Variants in COQ5 observed in about 807,000 individuals in gnomAD.
The protein encoded by COQ5 is 2-methoxy-6-polyprenyl-1,4-benzoquinol methylase, mitochondrial.
Under a neutral mutation model 40.5 loss-of-function variants are expected in COQ5, and 27 were observed. The observed-to-expected ratio is 0.67, with a 90% CI of 0.49 to 0.92. The LOEUF is 0.92. Ranked by LOEUF, COQ5 falls within the 40% of genes least tolerant of loss-of-function variation. COQ5 has a pLI of 0.00. For missense variants in COQ5, 409 were observed against 406.4 expected (o/e 1.01, Z -0.06); for synonymous variants, 141 against 150.0 (o/e 0.94, Z 0.44).
rs915706061 is a variant in COQ5 at position 120,516,775 on chromosome 12, G to A, written c.366C>T (p.Phe122=). 10 of 1,613,992 alleles carry A rather than the reference G, an allele frequency of 6.2e-6. 1 individual carries two copies. Among genetic ancestry groups the A allele is most frequent in the Middle Eastern group, 3.3e-4 (2 of 6,084 alleles). ...DVAGGTGDIA[F]RFLNYVQSQH... ...GGGACTGAACATAATTAAGGAACCG[G>A]AATGCAATGTCACCTGTGGGAAGCC... The change falls in exon 3 of 7, where the codon TTC becomes TTT. Residue 122 remains phenylalanine, a synonymous_variant. Transcript: ENST00000288532.
chr12:120,528,605 G>A (rs1479014416), intron 1 of COQ5, among the ~76,000 whole-genome samples: 2 of 152,080 alleles, frequency 1.3e-5, no homozygotes, highest in African/African-American at 4.8e-5. Context: ...GAGGTCAGGA[G>A]TTCGAGACCA....
chr12:120,516,850 G>A, intron 2 of COQ5, 62 bp from the exon 3 acceptor site: 1 of 1,462,008 alleles, frequency 6.8e-7, no homozygotes. Flanking sequence ...GGAAGAAACA[G>A]CATTTCCTAA....
Position 120,511,124 on chromosome 12 carries a change from G to C in COQ5, c.575-1001C>G, listed in dbSNP as rs570368057. Among the ~76,000 whole-genome samples, 6 of 152,090 alleles carry C rather than the reference G, an allele frequency of 3.9e-5. No homozygotes were observed. The South Asian group carries it at 1.2e-3, about 32-fold the overall frequency. On this transcript the variant is annotated intron_variant, in intron 3 of 6. Transcript: ENST00000288532. ...TACAAAAAATTAGCCGGGCGTGGTG[G>C]CATGCACCTGTAGTCCCAGCTACTG... is the stretch of plus-strand genomic sequence containing the variant.
At chr12:120,515,169 G>A (rs1869326518) in intron 3 of COQ5, among the ~76,000 whole-genome samples, 1 of 151,944 alleles carries the variant, frequency 6.6e-6, no homozygotes, top group South Asian at 2.1e-4. Context: ...ATGGCTCACT[G>A]CAGTCTCGAC....
At chr12:120,512,328 C>T (rs544253436) in intron 3 of COQ5, among the ~76,000 whole-genome samples, 11 of 150,442 alleles carry the variant, frequency 7.3e-5, no homozygotes, top group African/African-American at 1.5e-4. Context: ...GTAGGACGGG[C>T]GCGGTGGCTC....
At position 120,529,075 on chromosome 12, in the gene COQ5, C is replaced by T; in HGVS notation, c.67G>A (p.Gly23Ser). 6.2e-7 allele frequency: 1 copy of T among 1,614,096 alleles called. No individual in the cohort carries two copies. Reference protein sequence around the residue: ...CGRGWSRAMRGCQLLGLRSSW... With the variant: ...CGRGWSRAMRSCQLLGLRSSW... ...CTACGAAGCCCGAGGAGCTGGCAGC[C>T]CCGCATCGCCCGCGACCACCCACGG... is the stretch of plus-strand genomic sequence containing the variant. Residue 23 changes from glycine to serine, a missense_variant, in exon 1 of 7, where the codon GGC (glycine) becomes AGC (serine). Coordinates refer to ENST00000288532, the MANE Select transcript of COQ5 (RefSeq NM_032314.4).
At chr12:120,528,026 A>AAAAC (rs1870042605) in intron 1 of COQ5, among the ~76,000 whole-genome samples, 7 of 109,598 alleles carry the variant, frequency 6.4e-5, no homozygotes, top group South Asian at 3.0e-4. Flanking sequence ...AAAAAAAGAA[A>AAAAC]CCCCGTCTCT....
rs777312989 is a variant in COQ5 at position 120,503,770 on chromosome 12, T to C, written c.*14A>G. 4 of 1,596,308 alleles carry C rather than the reference T, an allele frequency of 2.5e-6. No homozygotes were observed. The highest frequency in any genetic ancestry group is 3.4e-6 in the Non-Finnish European group (4 of 1,163,776). ...CAGGATATGACTGGTTCATGCTCCA[T>C]GATAGGAAAGGAATTAAAGTTTGAA... On this transcript the variant is annotated 3_prime_UTR_variant, in exon 7 of 7. Transcript: ENST00000288532.
intron 1 of COQ5, chr12:120,523,304 T>C: frequency 4.0e-6 from 1 of 251,394 alleles, no homozygotes. Flanking sequence ...GCCACTGCAC[T>C]CCCGCCTGGG....
intron 3 of COQ5, among the ~76,000 whole-genome samples, chr12:120,515,623 A>C (rs1245589798): frequency 2.0e-5 from 3 of 152,324 alleles, no homozygotes; most frequent in African/African-American, 7.2e-5. Flanking sequence ...GGGGAAACAC[A>C]GAGTAGACAA....
At chr12:120,527,004 T>G (rs1869985028) in intron 1 of COQ5, 1 of 149,550 alleles carries the variant, frequency 6.7e-6, no homozygotes. Flanking sequence ...CGTGAGCCAC[T>G]GCGCCCAGCC....
At chr12:120,513,874 C>G (rs1246662218) in intron 3 of COQ5, among the ~76,000 whole-genome samples, 1 of 152,014 alleles carries the variant, frequency 6.6e-6, no homozygotes, top group Non-Finnish European at 1.5e-5. Flanking sequence ...TACTTAGTTT[C>G]TACTTTTCAT....
rs755564043 is a variant in COQ5, at chr12:120,522,311, C to T, written c.255G>A (p.Met85Ile). The T allele has an allele frequency of 2.5e-6, 4 of 1,613,692 alleles. No individual in the cohort carries two copies. Among genetic ancestry groups the T allele is most frequent in the Non-Finnish European group, 3.4e-6 (4 of 1,179,724 alleles). Reference sequence around the variant, plus strand: ...AAACACGATGGATACCAAGACTCATCATATCATTCATCACATCATACTTCT... The same window carrying T: ...AAACACGATGGATACCAAGACTCATTATATCATTCATCACATCATACTTCT... ...VAKKYDVMND[M>I]MSLGIHRVWK... The change falls in exon 2 of 7, where the codon ATG becomes ATA. Residue 85 changes from methionine (M) to isoleucine (I), a missense_variant. By Grantham distance (10) the Met-to-Ile change is conservative. Coordinates refer to ENST00000288532, the MANE Select transcript of COQ5 (RefSeq NM_032314.4).
chr12:120,508,961 G>A (rs1869008510), intron 4 of COQ5, among the ~76,000 whole-genome samples: 1 of 151,750 alleles, frequency 6.6e-6, no homozygotes, highest in African/African-American at 2.4e-5. Context: ...GGAGACAGAG[G>A]TTGTAGTGAG....
chr12:120,515,511 G>A (rs911835328), intron 3 of COQ5, among the ~76,000 whole-genome samples: 1 of 151,040 alleles, frequency 6.6e-6, no homozygotes, highest in Admixed American at 6.6e-5. Context: ...GGAAGTGTGA[G>A]GAGTACTGTT....
chr12:120,509,775 C>CTA (rs971888300), intron 4 of COQ5: 69 of 365,574 alleles, frequency 1.9e-4, no homozygotes, highest in East Asian at 4.9e-4. Flanking sequence ...ATCTATCTAT[C>CTA]TCTCTCTCTC....
chr12:120,525,521 G>A (rs1336482040), intron 1 of COQ5, among the ~76,000 whole-genome samples: 1 of 151,990 alleles, frequency 6.6e-6, no homozygotes, highest in Non-Finnish European at 1.5e-5. Context: ...GGGGCTAATG[G>A]GAGAGGACTG....
intron 3 of COQ5, among the ~76,000 whole-genome samples, chr12:120,513,488 C>G (rs1183898903): frequency 6.3e-5 from 9 of 143,974 alleles, no homozygotes; most frequent in Middle Eastern, 3.5e-3. Flanking sequence ...GGCGACAGAG[C>G]GAGACTCCGT....
chr12:120,507,915 A>T (rs1203341934), intron 4 of COQ5, among the ~76,000 whole-genome samples: 4 of 151,652 alleles, frequency 2.6e-5, no homozygotes, highest in African/African-American at 7.3e-5. Flanking sequence ...TAAAATAAAA[A>T]AATAAAAAGA....
Sources: gnomAD v4.1 joint callset for allele counts (sites outside exome capture counted in the v4.1 genomes callset) on GRCh38, gnomAD v4.1.1 for gene constraint, MANE v1.5 for transcripts, NCBI Gene and HGNC (gene_info 2026-07-23, HGNC 2026-07-21) for gene names.